The following TSPAN18 variants were observed in gnomAD, a reference collection of about 807,000 sequenced individuals.
The protein encoded by TSPAN18 is tetraspanin-18.
Under a neutral mutation model 27.3 loss-of-function variants are expected in TSPAN18, and 14 were observed. The ratio of observed to expected loss-of-function variants is 0.51; its 90% CI spans 0.34 to 0.80. The LOEUF (loss-of-function observed/expected upper bound fraction) is 0.80. Ranked by LOEUF, TSPAN18 falls within the 30% of genes least tolerant of loss-of-function variation. The pLI, the probability that TSPAN18 is intolerant of heterozygous loss-of-function variation, is 0.01. For missense variants in TSPAN18, 268 were observed against 323.9 expected, an observed-to-expected ratio of 0.83 and a Z score of 1.32; for synonymous variants, 143 against 136.5, an observed-to-expected ratio of 1.05 and a Z score of -0.33.
intron 2 of TSPAN18, among the ~76,000 whole-genome samples, chr11:44,852,011 C>G (rs112263251): frequency 2.4e-3 from 362 of 152,284 alleles, no homozygotes; most frequent in African/African-American, 8.5e-3. Context: ...TCCCCCAATG[C>G]CTGACATAGT....
Position 44,803,560 on chromosome 11 carries a change from A to G in TSPAN18, c.-153+39048A>G, listed in dbSNP as rs140988807. The stretch of plus-strand genomic sequence containing the variant: ...ATATGGCTCTGAGAGAGGGTAGAGG[A>G]GGGATTGAAGAAGTGAGAGACTGGA... On this transcript the variant is annotated intron_variant, in intron 2 of 9. Transcript: ENST00000520358. Among the ~76,000 whole-genome samples, 52 of 152,158 alleles carry G rather than the reference A, an allele frequency of 3.4e-4. No individual in the cohort carries two copies. In the East Asian group the frequency reaches 8.7e-3, roughly 25 times the overall value.
chr11:44,893,944 TG>T (rs1324210361), intron 3 of TSPAN18, among the ~76,000 whole-genome samples: 2 of 152,186 alleles, frequency 1.3e-5, no homozygotes, highest in Non-Finnish European at 2.9e-5. Flanking sequence ...CCCAGGACAC[TG>T]GGTTAATGTG....
intron 2 of TSPAN18, among the ~76,000 whole-genome samples, chr11:44,796,414 T>C (rs744089): frequency 0.95 from 145,211 of 152,166 alleles, 69,653 homozygotes; most frequent in Non-Finnish European, 1. Flanking sequence ...TCCATTGCCA[T>C]GGAAGAATTA....
intron 3 of TSPAN18, among the ~76,000 whole-genome samples, chr11:44,880,157 C>G (rs944923205): frequency 1.3e-5 from 2 of 152,216 alleles, no homozygotes; most frequent in African/African-American, 4.8e-5. Flanking sequence ...CAAAAGGCAC[C>G]CATGACAGTG....
At chr11:44,777,922 C>T (rs566896125) in intron 2 of TSPAN18, among the ~76,000 whole-genome samples, 5 of 152,134 alleles carry the variant, frequency 3.3e-5, no homozygotes, top group Admixed American at 6.5e-5. Flanking sequence ...GTTCTGTCTG[C>T]GGGGCTCTGG....
intron 1 of TSPAN18, among the ~76,000 whole-genome samples, chr11:44,760,379 C>A (rs993414184): frequency 6.6e-6 from 1 of 152,184 alleles, no homozygotes; most frequent in Non-Finnish European, 1.5e-5. Flanking sequence ...GATGGAGAGT[C>A]AAGGCTGCTT....
At chr11:44,758,006 C>G (rs1335972201) in intron 1 of TSPAN18, among the ~76,000 whole-genome samples, 2 of 152,040 alleles carry the variant, frequency 1.3e-5, no homozygotes, top group East Asian at 1.9e-4. Flanking sequence ...CTTTTGTTGT[C>G]TGGGCTTTTA....
chr11:44,864,951 G>T (rs1166063387), intron 3 of TSPAN18, among the ~76,000 whole-genome samples: 1 of 152,224 alleles, frequency 6.6e-6, no homozygotes, highest in Non-Finnish European at 1.5e-5. Context: ...TGGGGCATCA[G>T]CCAGAGGTTG....
chr11:44,755,989 G>T (rs1024665598), intron 1 of TSPAN18, among the ~76,000 whole-genome samples: 9 of 152,034 alleles, frequency 5.9e-5, no homozygotes, highest in African/African-American at 2.2e-4. Context: ...AGAGAGAGAT[G>T]GAGGAGGGAA....
intron 2 of TSPAN18, among the ~76,000 whole-genome samples, chr11:44,833,645 A>T (rs1857201831): frequency 6.6e-6 from 1 of 152,164 alleles, no homozygotes; most frequent in African/African-American, 2.4e-5. Flanking sequence ...GTCACTATGG[A>T]TCACTGTTAA....
chr11:44,887,238 G>T (rs1376019162), intron 3 of TSPAN18, among the ~76,000 whole-genome samples: 1 of 152,120 alleles, frequency 6.6e-6, no homozygotes, highest in Non-Finnish European at 1.5e-5. Flanking sequence ...CCCCTCTCAG[G>T]GCCTCAATTT....
intron 2 of TSPAN18, among the ~76,000 whole-genome samples, chr11:44,783,518 C>T (rs1855987827): frequency 6.6e-6 from 1 of 151,996 alleles, no homozygotes; most frequent in South Asian, 2.1e-4. Flanking sequence ...CCTGCCTCAG[C>T]CTCCCGAGTA....
At chr11:44,839,294 C>G (rs2135161209) in intron 2 of TSPAN18, among the ~76,000 whole-genome samples, 1 of 152,318 alleles carries the variant, frequency 6.6e-6, no homozygotes, top group South Asian at 2.1e-4. Flanking sequence ...CCAGTCTGTC[C>G]TCTGTCTGCT....
intron 3 of TSPAN18, among the ~76,000 whole-genome samples, chr11:44,888,618 C>T (rs1007606207): frequency 1.3e-5 from 2 of 152,268 alleles, no homozygotes; most frequent in East Asian, 3.9e-4. Context: ...TTGGAGGTTG[C>T]CTGGTGTGTG....
At chr11:44,747,059 C>T (rs1855095049) in intron 1 of TSPAN18, among the ~76,000 whole-genome samples, 1 of 152,278 alleles carries the variant, frequency 6.6e-6, no homozygotes, top group African/African-American at 2.4e-5. Flanking sequence ...CGGGGCCTTT[C>T]TCTGACTGGT....
At chr11:44,796,358 T>C (rs982937997) in intron 2 of TSPAN18, among the ~76,000 whole-genome samples, 3 of 152,152 alleles carry the variant, frequency 2.0e-5, no homozygotes, top group Non-Finnish European at 4.4e-5. Context: ...GGGAAATGGA[T>C]GGCAGGGTCC....
At chr11:44,807,511 G>T in intron 2 of TSPAN18, among the ~76,000 whole-genome samples, 1 of 99,482 alleles carries the variant, frequency 1.0e-5, no homozygotes, top group African/African-American at 4.0e-5. Flanking sequence ...ATAGGCACAA[G>T]AGTGAAACTC....
At chr11:44,734,311 C>T (rs1048765008) in intron 1 of TSPAN18, among the ~76,000 whole-genome samples, 2 of 152,220 alleles carry the variant, frequency 1.3e-5, no homozygotes, top group African/African-American at 4.8e-5. Context: ...AGGAGGCTTT[C>T]CAGGTCTGCT....
chr11:44,729,494 A>G (rs1854600039), intron 1 of TSPAN18, among the ~76,000 whole-genome samples: 1 of 152,124 alleles, frequency 6.6e-6, no homozygotes, highest in Admixed American at 6.5e-5. Context: ...GGCTTAAAGT[A>G]TCTTGTGTGG....
Sources: gnomAD v4.1 joint callset for allele counts (sites outside exome capture counted in the v4.1 genomes callset) on GRCh38, gnomAD v4.1.1 for gene constraint, MANE v1.5 for transcripts, NCBI Gene and HGNC (gene_info 2026-07-23, HGNC 2026-07-21) for gene names.